ERCC8: variants seen among roughly 807,000 people sequenced by gnomAD.
ERCC8 encodes ERCC excision repair 8, CSA ubiquitin ligase complex subunit.
ERCC8 carries 52 observed loss-of-function variants against 54.9 expected under a neutral mutation model. That is an observed-to-expected ratio of 0.95 (90% CI 0.76 to 1.19). ERCC8 has a LOEUF of 1.19. Ranked by LOEUF, ERCC8 falls within the 50% of genes most tolerant of loss-of-function variation. The pLI, the probability that ERCC8 is intolerant of heterozygous loss-of-function variation, is 0.00. For synonymous variants in ERCC8, 146 were observed against 157.2 expected (o/e 0.93, Z 0.53); for missense variants, 514 against 466.1 (o/e 1.10, Z -0.95).
Position 60,892,997 on chromosome 5 carries a change from C to A in ERCC8, c.844-1911G>T, listed in dbSNP as rs533366094. 1.3e-4 allele frequency: 103 copies of A among 775,674 alleles called. 1 individual carries two copies. The Middle Eastern group carries it at 5.8e-3, about 44-fold the overall frequency. The allele number at this position is 775,674 out of a possible 1,614,324, so 48.0% of individuals were successfully genotyped here. On this transcript the variant is annotated intron_variant, in intron 9 of 11. Coordinates refer to ENST00000676185, the MANE Select transcript of ERCC8 (RefSeq NM_000082.4). ...CTCCAAAGCTGACCTGATGCTGGGTCCTGGCCTTGAAAGCCACAGTTGGCA... is the reference window on the plus strand; with the variant it reads ...CTCCAAAGCTGACCTGATGCTGGGTACTGGCCTTGAAAGCCACAGTTGGCA...
In ERCC8 at chr5:60,871,990, C is replaced by T. The variant is rs776280071; in HGVS notation, c.*2625G>A. Among the ~76,000 whole-genome samples the T allele has an allele frequency of 4.7e-4, 72 of 151,896 alleles. No individual in the cohort carries two copies. Among genetic ancestry groups the T allele is most frequent in the African/African-American group, 1.5e-3 (64 of 41,344 alleles). ...AATTTTTGTATTTTTTATTTAGAGA[C>T]GAGGTTTTGCCATGTTGCCCAGGCT... On this transcript the variant is annotated 3_prime_UTR_variant, in exon 12 of 12. Coordinates refer to ENST00000676185, the MANE Select transcript of ERCC8 (RefSeq NM_000082.4).
rs559078883 is a variant in ERCC8 at position 60,914,977 on chromosome 5, T to C, written c.399+3288A>G. Reference sequence around the variant, plus strand: ...TTATTCTTTTTGTATGTTGCTAGATTCTACATATTAATAGTTGATTTAGGA... The same window carrying C: ...TTATTCTTTTTGTATGTTGCTAGATCCTACATATTAATAGTTGATTTAGGA... On this transcript the variant is annotated intron_variant, in intron 4 of 11. Coordinates refer to ENST00000676185, the MANE Select transcript of ERCC8 (RefSeq NM_000082.4). Among the ~76,000 whole-genome samples the C allele has an allele frequency of 9.2e-5, 14 of 152,072 alleles. No individual in the cohort carries two copies. The South Asian group carries it at 2.9e-3, about 32-fold the overall frequency.
At chr5:60,925,985 G>A (rs960750743) in intron 2 of ERCC8, among the ~76,000 whole-genome samples, 4 of 151,994 alleles carry the variant, frequency 2.6e-5, no homozygotes, top group Non-Finnish European at 4.4e-5. Flanking sequence ...CACTGCACCT[G>A]GCTAATTTTT....
chr5:60,940,207 A>C lies in ERCC8; in HGVS notation c.77+4725T>G, dbSNP rs186160679. Among the ~76,000 whole-genome samples, 15 of 152,364 alleles carry C rather than the reference A, an allele frequency of 9.8e-5. No homozygotes were observed. The East Asian group carries it at 2.9e-3, about 29-fold the overall frequency. On this transcript the variant is annotated intron_variant, in intron 1 of 11. Coordinates refer to ENST00000676185, the MANE Select transcript of ERCC8 (RefSeq NM_000082.4). ...AGTTCTGGGTAATACTACTATAAAA[A>C]CTAAACAAAATGCAGAGACAGCTAC...
intron 11 of ERCC8, 26 bp from the exon 12 acceptor site, chr5:60,874,709 A>C (rs768281582): frequency 7.0e-6 from 11 of 1,577,966 alleles, no homozygotes; most frequent in Non-Finnish European, 9.5e-6. Flanking sequence ...ATAAAGAAAA[A>C]GGAAGATTCT....
At chr5:60,885,346 A>T (rs890868728) in intron 11 of ERCC8, among the ~76,000 whole-genome samples, 2 of 152,094 alleles carry the variant, frequency 1.3e-5, no homozygotes, top group African/African-American at 4.8e-5. Flanking sequence ...ACAATTTAGT[A>T]TTCTTCTAAC....
At chr5:60,894,793 G>A (rs982696819) in intron 9 of ERCC8, among the ~76,000 whole-genome samples, 2 of 152,160 alleles carry the variant, frequency 1.3e-5, no homozygotes, top group African/African-American at 2.4e-5. Context: ...TGGGGTGAGT[G>A]TAAAACCAGT....
In ERCC8 at chr5:60,898,365, A is replaced by G. The variant is rs995689083; in HGVS notation, c.754T>C (p.Cys252Arg). 1.9e-6 allele frequency: 3 copies of G among 1,613,718 alleles called. No individual in the cohort carries two copies. The highest frequency in any genetic ancestry group is 1.7e-5 in the Admixed American group (1 of 60,022). ...TAHNGKVNGLCFTSDGLHLLT... is the reference protein window; with the variant it reads ...TAHNGKVNGLRFTSDGLHLLT... ...AGGTGAAGTCCATCACTTGTAAAAC[A>G]TAAGCCATTAACTTTCCCATTATGA... is the stretch of plus-strand genomic sequence containing the variant. The change falls in exon 9 of 12, where the codon TGT becomes CGT. Residue 252 changes from cysteine (C) to arginine (R), a missense_variant. Physicochemically the swap from Cys to Arg is radical, Grantham distance 180 (BLOSUM62 -3). Transcript: ENST00000676185.
chr5:60,939,656 C>T (rs4647052), intron 1 of ERCC8, among the ~76,000 whole-genome samples: 58,819 of 151,712 alleles, frequency 0.39, 12,382 homozygotes, highest in East Asian at 0.8. Flanking sequence ...GGAGCACGCC[C>T]GGCTGATTTT....
intron 1 of ERCC8, among the ~76,000 whole-genome samples, chr5:60,930,203 G>A (rs1749866328): frequency 6.6e-6 from 1 of 152,056 alleles, no homozygotes; most frequent in African/African-American, 2.4e-5. Context: ...GCTGAGGTGG[G>A]CGGATCACCT....
chr5:60,867,089 G>A lies in ERCC8; in HGVS notation c.*7526C>T, dbSNP rs934004512. On this transcript the variant is annotated 3_prime_UTR_variant, in exon 12 of 12. Coordinates refer to ENST00000676185, the MANE Select transcript of ERCC8 (RefSeq NM_000082.4). ...CTGACCTCGTGATCCATCCACCTCA[G>A]CCTCCCAAAGTGCTGGGATTATAGG... Among the ~76,000 whole-genome samples, 4 of 151,976 alleles carry A rather than the reference G, an allele frequency of 2.6e-5. No individual in the cohort carries two copies. Among genetic ancestry groups the A allele is most frequent in the African/African-American group, 9.7e-5 (4 of 41,354 alleles).
chr5:60,915,424 G>A (rs1179613228), intron 4 of ERCC8: 2 of 152,022 alleles, frequency 1.3e-5, no homozygotes, highest in African/African-American at 4.8e-5. Flanking sequence ...CTATTGTAGA[G>A]TTCTGTAATA....
intron 11 of ERCC8, among the ~76,000 whole-genome samples, chr5:60,884,783 T>C (rs1748347946): frequency 1.3e-5 from 2 of 152,100 alleles, no homozygotes; most frequent in Non-Finnish European, 2.9e-5. Context: ...TACCATTTTA[T>C]ATTAATATGA....
chr5:60,892,630 TCTC>T (rs1579996544), intron 9 of ERCC8: 2 of 660,682 alleles, frequency 3.0e-6, no homozygotes, highest in South Asian at 1.6e-5. Context: ...TAGTTGGAAA[TCTC>T]CTCCAGGTTG....
At chr5:60,876,092 C>A (rs1195743067) in intron 11 of ERCC8, among the ~76,000 whole-genome samples, 1 of 151,536 alleles carries the variant, frequency 6.6e-6, no homozygotes, top group Non-Finnish European at 1.5e-5. Flanking sequence ...AGTGTTCTTA[C>A]TGTTCAATTC....
intron 11 of ERCC8, among the ~76,000 whole-genome samples, chr5:60,883,985 A>G (rs1374278197): frequency 6.6e-6 from 1 of 152,240 alleles, no homozygotes; most frequent in African/African-American, 2.4e-5. Context: ...TCTACTTTGG[A>G]TATCAGGAGA....
intron 11 of ERCC8, among the ~76,000 whole-genome samples, chr5:60,880,508 G>A (rs1314625820): frequency 2.6e-5 from 4 of 152,086 alleles, no homozygotes; most frequent in Non-Finnish European, 4.4e-5. Flanking sequence ...ACACCAATCA[G>A]ATGTAGATTT....
intron 1 of ERCC8, among the ~76,000 whole-genome samples, chr5:60,930,028 A>C (rs1386246286): frequency 6.6e-6 from 1 of 152,268 alleles, no homozygotes; most frequent in African/African-American, 2.4e-5. Context: ...ATTCATTGAC[A>C]TTAGTACAAG....
At chr5:60,939,216 G>A (rs1318519916) in intron 1 of ERCC8, among the ~76,000 whole-genome samples, 2 of 151,790 alleles carry the variant, frequency 1.3e-5, no homozygotes, top group African/African-American at 4.8e-5. Flanking sequence ...AAAAAATTTC[G>A]CAGCCATATT....
Sources: allele counts gnomAD v4.1 joint callset (sites outside exome capture counted in the v4.1 genomes callset), GRCh38; gene constraint gnomAD v4.1.1; transcripts MANE v1.5; gene names NCBI Gene and HGNC (gene_info 2026-07-23, HGNC 2026-07-21).